The following CSMD2 variants were observed in gnomAD, a reference collection of about 807,000 sequenced individuals.
CSMD2 encodes CUB and sushi domain-containing protein 2.
A neutral mutation model predicts 398.5 loss-of-function variants in CSMD2; 130 were observed. The observed-to-expected ratio is 0.33, with a 90% CI of 0.28 to 0.38. The LOEUF (loss-of-function observed/expected upper bound fraction) is 0.38. Among genes scored for constraint, CSMD2 ranks in the 10% least tolerant of loss-of-function variants. CSMD2 has a pLI of 1.00. For missense variants in CSMD2, 3,829 were observed against 4,764.9 expected, an observed-to-expected ratio of 0.80 and a Z score of 5.78; for synonymous variants, 1,828 against 1,908.5, an observed-to-expected ratio of 0.96 and a Z score of 1.10.
intron 3 of CSMD2, among the ~76,000 whole-genome samples, chr1:33,951,525 G>A (rs187305498): frequency 8.7e-4 from 132 of 152,270 alleles, no homozygotes; most frequent in South Asian, 1.7e-3. Context: ...CATTTACATC[G>A]TTGACTGCCA....
chr1:33,533,861 T>C lies in CSMD2; in HGVS notation c.9926A>G (p.Gln3309Arg), dbSNP rs1655493799. The C allele has an allele frequency of 6.2e-7, 1 of 1,613,998 alleles. No homozygotes were observed. The highest frequency in any genetic ancestry group is 1.3e-5 in the African/African-American group (1 of 74,922). Reference sequence around the variant, plus strand: ...GAGGCAGGTCCTGGTGGTGGAGCCCTGAAGCAGGTAGCCTTTTTGACAACG... The same window carrying C: ...GAGGCAGGTCCTGGTGGTGGAGCCCCGAAGCAGGTAGCCTTTTTGACAACG... ...LFRCQKGYLL[Q>R]GSTTRTCLPN... The change falls in exon 63 of 71, where the codon CAG becomes CGG. Residue 3309 changes from glutamine (Q) to arginine (R), a missense_variant. This residue lies in a region of CSMD2 where 917 missense variants were observed against 1,199.5 expected (regional missense o/e 0.76). Transcript: ENST00000373381. The surrounding 1 kb of genome is among the most constrained non-coding windows in gnomAD (Gnocchi z 4.2).
At chr1:33,893,060 C>G (rs930939815) in intron 5 of CSMD2, among the ~76,000 whole-genome samples, 1 of 152,184 alleles carries the variant, frequency 6.6e-6, no homozygotes, top group African/African-American at 2.4e-5. Context: ...ATTGATGATG[C>G]TTGATTATGA....
rs116234632 is a variant in CSMD2, at chr1:34,003,764, G to A, written c.517+28830C>T. ...CTGCCTCTTCCTCTCCTTGTCCTCT[G>A]TCATTCCAATGGTCTAGTCTAGACT... On this transcript the variant is annotated intron_variant, in intron 3 of 70. Coordinates refer to ENST00000373381, the MANE Select transcript of CSMD2 (RefSeq NM_001281956.2). Among the ~76,000 whole-genome samples the A allele has an allele frequency of 4.0e-3, 602 of 152,286 alleles. 5 individuals carry two copies. The highest frequency in any genetic ancestry group is 0.013 in the African/African-American group (557 of 41,556).
At chr1:33,985,773 C>T (rs76850587) in intron 3 of CSMD2, among the ~76,000 whole-genome samples, 1,787 of 152,226 alleles carry the variant, frequency 0.012, 75 homozygotes, top group East Asian at 0.11. Context: ...CAAGCTTAGT[C>T]CTGCTGGTAC....
At chr1:34,008,323 A>G (rs1271849376) in intron 3 of CSMD2, among the ~76,000 whole-genome samples, 1 of 152,204 alleles carries the variant, frequency 6.6e-6, no homozygotes, top group Non-Finnish European at 1.5e-5. Context: ...TGTCTCATTC[A>G]TCTTGTCCCC....
At chr1:33,583,475 A>G (rs1638867059) in intron 47 of CSMD2, among the ~76,000 whole-genome samples, 167 bp downstream of exon 47, 1 of 152,184 alleles carries the variant, frequency 6.6e-6, no homozygotes, top group Admixed American at 6.5e-5. Context: ...TGCTTGGGCC[A>G]TGCCACCCCT....
At chr1:33,517,528 C>T (rs1472559694) in intron 70 of CSMD2, among the ~76,000 whole-genome samples, 1 of 152,232 alleles carries the variant, frequency 6.6e-6, no homozygotes, top group African/African-American at 2.4e-5. Context: ...CCCCGATTTA[C>T]ATCATCAGAG....
In CSMD2 at chr1:34,163,708, C is replaced by T. The variant is rs1354453093; in HGVS notation, c.187+1203G>A. ...AACACGGCTCCAGGTCGAAGGTGCC[C>T]TAGGTCTAGGCCTGGCCAGCAGGTG... On this transcript the variant is annotated intron_variant, in intron 1 of 70. Transcript: ENST00000373381. This position sits in a 1 kb window ranked among gnomAD's most constrained non-coding sequence, Gnocchi z 5.4. Among the ~76,000 whole-genome samples, 1 of 152,118 alleles carries T rather than the reference C, an allele frequency of 6.6e-6. No homozygotes were observed. The highest frequency in any genetic ancestry group is 2.4e-5 in the African/African-American group (1 of 41,448).
Position 33,624,727 on chromosome 1 carries a change from G to A in CSMD2, c.5501-84C>T. 1 of 1,527,456 alleles carries A rather than the reference G, an allele frequency of 6.5e-7. No individual in the cohort carries two copies. The highest frequency in any genetic ancestry group is 2.3e-5 in the East Asian group (1 of 43,482). The allele number at this position is 1,527,456 out of a possible 1,614,324, so 94.6% of individuals were successfully genotyped here. The stretch of plus-strand genomic sequence containing the variant: ...GCTGACTCCTCCCTCATGGCCCCCA[G>A]CCTCTGTTTGTCCTCCTCCCCATGG... On this transcript the variant is annotated intron_variant, in intron 34 of 70. Transcript: ENST00000373381. The surrounding 1 kb of genome is among the most constrained non-coding windows in gnomAD (Gnocchi z 4.7).
At position 33,537,152 on chromosome 1, in the gene CSMD2, A is replaced by T. The variant is rs1655876714; in HGVS notation, c.9806-57T>A. On this transcript the variant is annotated intron_variant, in intron 61 of 70. Coordinates refer to ENST00000373381, the MANE Select transcript of CSMD2 (RefSeq NM_001281956.2). The surrounding 1 kb of genome is among the most constrained non-coding windows in gnomAD (Gnocchi z 4.6). The stretch of plus-strand genomic sequence containing the variant: ...TGGTCATGGAAGCCTTCACGGCCTC[A>T]TCTCACTCTGGGAAATAGGTGTAGA... 6.3e-7 allele frequency: 1 copy of T among 1,576,624 alleles called. No individual in the cohort carries two copies. The highest frequency in any genetic ancestry group is 8.7e-7 in the Non-Finnish European group (1 of 1,146,218).
intron 25 of CSMD2, among the ~76,000 whole-genome samples, chr1:33,690,461 G>A (rs549566678): frequency 1.1e-4 from 17 of 152,218 alleles, no homozygotes; most frequent in South Asian, 8.3e-4. Context: ...AGACATGTGC[G>A]TCTGCTCTTT....
At chr1:33,674,347 A>G (rs1571178603) in intron 25 of CSMD2, among the ~76,000 whole-genome samples, 1 of 152,324 alleles carries the variant, frequency 6.6e-6, no homozygotes, top group Non-Finnish European at 1.5e-5. Context: ...AACAAAGAAC[A>G]AAAGAGACAA....
At chr1:33,638,006 C>A (rs1293037374) in intron 29 of CSMD2, among the ~76,000 whole-genome samples, 1 of 152,140 alleles carries the variant, frequency 6.6e-6, no homozygotes, top group Non-Finnish European at 1.5e-5. Flanking sequence ...TGGGATGGAA[C>A]TCTGAGAGTC....
chr1:33,535,410 A>G (rs1343329434), intron 62 of CSMD2, among the ~76,000 whole-genome samples: 1 of 152,210 alleles, frequency 6.6e-6, no homozygotes, highest in Admixed American at 6.5e-5. Context: ...GCTGGTTTTA[A>G]TATTTGTAAA....
chr1:34,158,150 G>C (rs929907623), intron 1 of CSMD2, among the ~76,000 whole-genome samples: 2 of 152,116 alleles, frequency 1.3e-5, no homozygotes, highest in African/African-American at 4.8e-5. Context: ...AGTAAGAAAA[G>C]AGCTCTGAGA....
intron 60 of CSMD2, among the ~76,000 whole-genome samples, chr1:33,539,386 C>A (rs1296951696): frequency 1.3e-5 from 2 of 152,106 alleles, no homozygotes; most frequent in African/African-American, 4.8e-5. Context: ...CAAGGAAATT[C>A]TTTAAAGCCA....
intron 3 of CSMD2, among the ~76,000 whole-genome samples, chr1:33,941,487 C>T (rs1644673247): frequency 6.6e-6 from 1 of 152,202 alleles, no homozygotes; most frequent in Non-Finnish European, 1.5e-5. Flanking sequence ...AGGATTTAGT[C>T]TTCCCACAAT....
chr1:33,952,975 C>T (rs1645055311), intron 3 of CSMD2, among the ~76,000 whole-genome samples: 1 of 152,196 alleles, frequency 6.6e-6, no homozygotes, highest in Non-Finnish European at 1.5e-5. Context: ...AGGCATTGGG[C>T]ACCAGCAAAT....
intron 25 of CSMD2, among the ~76,000 whole-genome samples, chr1:33,675,874 T>C (rs984474330): frequency 1.3e-5 from 2 of 152,184 alleles, no homozygotes; most frequent in African/African-American, 2.4e-5. Context: ...ATTATCTCAA[T>C]AGATGCAGAA....
Sources: allele counts gnomAD v4.1 joint callset (sites outside exome capture counted in the v4.1 genomes callset), GRCh38; gene constraint gnomAD v4.1.1; regional missense constraint gnomAD v4.1.1; non-coding constraint Gnocchi (gnomAD v3.1); transcripts MANE v1.5; gene names NCBI Gene and HGNC (gene_info 2026-07-23, HGNC 2026-07-21).